The following RLN2 variants were observed in gnomAD, a reference collection of about 807,000 sequenced individuals.
RLN2 encodes the protein relaxin 2, also known as prorelaxin H2.
RLN2 carries 10 observed loss-of-function variants against 7.3 expected under a neutral mutation model. The ratio of observed to expected loss-of-function variants is 1.36; its 90% CI spans 0.84 to 2.31. RLN2 has a LOEUF of 2.31. RLN2 is among the 30% of genes most tolerant of loss of function. The probability of loss-of-function intolerance (pLI) is 0.00; values close to 1 mark genes in which losing one functional copy is unlikely to be tolerated. For synonymous variants in RLN2, 103 were observed against 82.3 expected (o/e 1.25, Z -1.36); for missense variants, 298 against 217.6 (o/e 1.37, Z -2.32).
the RLN2 span, among the ~76,000 whole-genome samples, chr9:5,318,089 C>A: frequency 6.6e-6 from 1 of 151,822 alleles, no homozygotes; most frequent in Non-Finnish European, 1.5e-5. Context: ...CCAGGCTGGT[C>A]TCAAACTTGT....
At chr9:5,335,524 T>C in the RLN2 span, 3 of 1,613,298 alleles carry the variant, frequency 1.9e-6, no homozygotes, top group Non-Finnish European at 2.5e-6. Flanking sequence ...TCAGCTCCGG[T>C]GGCAAATTAG....
At chr9:5,334,865 G>A in the RLN2 span, 7 of 159,136 alleles carry the variant, frequency 4.4e-5, no homozygotes, top group Non-Finnish European at 9.6e-5. Flanking sequence ...AGTTCAAGTT[G>A]TATGGCTTTA....
the RLN2 span, among the ~76,000 whole-genome samples, chr9:5,328,032 A>C: frequency 6.6e-6 from 1 of 152,030 alleles, no homozygotes; most frequent in Non-Finnish European, 1.5e-5. Flanking sequence ...TCTCAGCAGC[A>C]AGGGAACAAA....
At chr9:5,302,188 T>A (rs1239258641) in intron 1 of RLN2, among the ~76,000 whole-genome samples, 1 of 152,360 alleles carries the variant, frequency 6.6e-6, no homozygotes, top group African/African-American at 2.4e-5. Context: ...TTTTTAAACC[T>A]GTTTTGAAAT....
the RLN2 span, among the ~76,000 whole-genome samples, chr9:5,314,833 TC>T: frequency 6.6e-6 from 1 of 152,034 alleles, no homozygotes; most frequent in African/African-American, 2.4e-5. Flanking sequence ...AGGTCCAGAA[TC>T]CCCACCATGC....
chr9:5,323,358 A>T, the RLN2 span, among the ~76,000 whole-genome samples: 1 of 152,034 alleles, frequency 6.6e-6, no homozygotes, highest in Non-Finnish European at 1.5e-5. Flanking sequence ...ACACAGAAGC[A>T]ATTTTCCCTC....
the RLN2 span, among the ~76,000 whole-genome samples, chr9:5,315,318 C>A: frequency 4.7e-5 from 7 of 149,606 alleles, no homozygotes; most frequent in East Asian, 1.2e-3. Context: ...ATAAAAAATA[C>A]AATAGAAAGC....
the RLN2 span, among the ~76,000 whole-genome samples, chr9:5,323,904 C>T: frequency 6.6e-6 from 1 of 151,716 alleles, no homozygotes; most frequent in African/African-American, 2.4e-5. Flanking sequence ...TAAGGTTAGC[C>T]AGGTGTGTTG....
chr9:5,300,132 C>T lies in RLN2; in HGVS notation c.524G>A (p.Gly175Asp), dbSNP rs993579047. The T allele has an allele frequency of 3.1e-6, 5 of 1,602,906 alleles. No homozygotes were observed. In the African/African-American group the frequency reaches 5.4e-5, roughly 17 times the overall value. ...TCTAGCAAGAGATCTTTTGGTACAA[C>T]CAACATGGCAACATTTATTAGCCAA... ...SALANKCCHV[G>D]CTKRSLARFC Residue 175 changes from glycine to aspartate, a missense_variant, in exon 2 of 2, where the codon GGT becomes GAT. By Grantham distance (94) the Gly-to-Asp change is moderately conservative. Coordinates refer to ENST00000381627, the MANE Select transcript of RLN2 (RefSeq NM_134441.3).
chr9:5,317,963 G>A, the RLN2 span, among the ~76,000 whole-genome samples: 1 of 151,214 alleles, frequency 6.6e-6, no homozygotes, highest in South Asian at 2.1e-4. Context: ...CGACCCTTTT[G>A]GAAGAGAATT....
chr9:5,331,781 C>T, the RLN2 span, among the ~76,000 whole-genome samples: 16 of 152,008 alleles, frequency 1.1e-4, no homozygotes, highest in African/African-American at 3.6e-4. Flanking sequence ...CAAACCTGCA[C>T]GTTGTGCACA....
the RLN2 span, among the ~76,000 whole-genome samples, chr9:5,330,985 C>G: frequency 6.6e-6 from 1 of 151,916 alleles, no homozygotes; most frequent in Admixed American, 6.6e-5. Context: ...CGCAAATAAA[C>G]TAGAAAATCT....
At chr9:5,331,938 T>C in the RLN2 span, among the ~76,000 whole-genome samples, 1 of 152,010 alleles carries the variant, frequency 6.6e-6, no homozygotes, top group African/African-American at 2.4e-5. Flanking sequence ...ATTCTAGAAA[T>C]GTATATTATG....
chr9:5,327,601 T>C, the RLN2 span, among the ~76,000 whole-genome samples: 5 of 152,026 alleles, frequency 3.3e-5, no homozygotes, highest in Non-Finnish European at 4.4e-5. Flanking sequence ...GACTGCCTCC[T>C]CAAGCAGGTC....
the RLN2 span, chr9:5,335,595 TTTCTG>T: frequency 6.3e-7 from 1 of 1,592,480 alleles, no homozygotes; most frequent in South Asian, 1.1e-5. Context: ...GATGGTACAA[TTTCTG>T]TTAAGTTTAA....
At chr9:5,322,984 A>G in the RLN2 span, among the ~76,000 whole-genome samples, 2 of 151,654 alleles carry the variant, frequency 1.3e-5, no homozygotes, top group Non-Finnish European at 2.9e-5. Context: ...ATAATTTCCC[A>G]TTTGTAAAGG....
chr9:5,325,471 G>C, the RLN2 span, among the ~76,000 whole-genome samples: 1 of 151,980 alleles, frequency 6.6e-6, no homozygotes, highest in South Asian at 2.1e-4. Context: ...ACAAACAAGA[G>C]AGCTTAATAA....
the RLN2 span, among the ~76,000 whole-genome samples, chr9:5,315,131 A>G: frequency 6.6e-6 from 1 of 151,810 alleles, no homozygotes; most frequent in Admixed American, 6.6e-5. Context: ...AAAGAAAAGG[A>G]AGTTTATGAG....
At chr9:5,330,623 G>C in the RLN2 span, among the ~76,000 whole-genome samples, 1 of 117,574 alleles carries the variant, frequency 8.5e-6, no homozygotes, top group Non-Finnish European at 1.6e-5. Flanking sequence ...GGGCGACAGA[G>C]CAAGACTCCA....
Sources: gnomAD v4.1 joint callset for allele counts (sites outside exome capture counted in the v4.1 genomes callset) on GRCh38, gnomAD v4.1.1 for gene constraint, MANE v1.5 for transcripts, NCBI Gene and HGNC (gene_info 2026-07-23, HGNC 2026-07-21) for gene names.